Variants in DNAI4 observed in about 807,000 individuals in gnomAD.
DNAI4 encodes the protein dynein axonemal intermediate chain 4.
DNAI4 carries 85 observed loss-of-function variants against 105.8 expected under a neutral mutation model. The ratio of observed to expected loss-of-function variants is 0.80; its 90% CI spans 0.67 to 0.96. The LOEUF (loss-of-function observed/expected upper bound fraction) is 0.96. DNAI4 is among the 40% of genes least tolerant of loss of function. The pLI is 0.00. For synonymous variants in DNAI4, 352 were observed against 331.5 expected (o/e 1.06, Z -0.67); for missense variants, 1,014 against 1,005.6 (o/e 1.01, Z -0.11).
At chr1:66,825,240 C>T (rs1047450264) in intron 15 of DNAI4, among the ~76,000 whole-genome samples, 14 of 139,698 alleles carry the variant, frequency 1.0e-4, no homozygotes, top group African/African-American at 2.9e-4. Context: ...ACTGCAGTGG[C>T]GCAATCTCGG....
At chr1:66,922,186 T>A (rs1209712834) in intron 1 of DNAI4, among the ~76,000 whole-genome samples, 13 of 152,054 alleles carry the variant, frequency 8.5e-5, no homozygotes, top group Non-Finnish European at 5.9e-5. Context: ...TTCAGCCTCA[T>A]AAAGTGGTGG....
In DNAI4 at chr1:66,905,194, A is replaced by C. The variant is rs1309654769; in HGVS notation, c.345+7T>G. 6.8e-7 allele frequency: 1 copy of C among 1,478,516 alleles called. No individual in the cohort carries two copies. Among genetic ancestry groups the C allele is most frequent in the Non-Finnish European group, 9.1e-7 (1 of 1,098,644 alleles). The allele number at this position is 1,478,516 out of a possible 1,614,324, so 91.6% of individuals were successfully genotyped here. A position where few individuals can be genotyped will look rare whatever the true frequency, so the allele number is the denominator to read the frequency against. On this transcript the variant is annotated splice_region_variant and intron_variant, in intron 2 of 16. Coordinates refer to ENST00000371026, the MANE Select transcript of DNAI4 (RefSeq NM_024763.5). ...TTCAAATAAACTCAGAATTCTAAGA[A>C]TATTACCTGTGTTGTCTTTATATTG... is the stretch of plus-strand genomic sequence containing the variant.
At chr1:66,893,071 AAG>A (rs1553227643) in intron 3 of DNAI4, among the ~76,000 whole-genome samples, 156 bp downstream of exon 3, 87 of 122,460 alleles carry the variant, frequency 7.1e-4, no homozygotes, top group African/African-American at 2.5e-3. Context: ...GAGAGAAAGA[AAG>A]AAAGAAAGAA....
chr1:66,923,272 T>A (rs1020978776), intron 1 of DNAI4, among the ~76,000 whole-genome samples: 1 of 152,220 alleles, frequency 6.6e-6, no homozygotes, highest in Admixed American at 6.5e-5. Flanking sequence ...TAGCCTACTA[T>A]AGCTTAGGTG....
At chr1:66,914,777 T>A (rs949888444) in intron 1 of DNAI4, among the ~76,000 whole-genome samples, 1 of 152,190 alleles carries the variant, frequency 6.6e-6, no homozygotes, top group Non-Finnish European at 1.5e-5. Context: ...AATATGTCTA[T>A]GTATCTATGT....
intron 6 of DNAI4, among the ~76,000 whole-genome samples, chr1:66,868,187 A>G (rs1026959100): frequency 1.3e-5 from 2 of 152,228 alleles, no homozygotes; most frequent in Admixed American, 1.3e-4. Flanking sequence ...TCAAATTTAT[A>G]CTACTATATT....
At chr1:66,836,190 AAGAAAGAAAGAAAGAAAG>A (rs1404533186) in intron 10 of DNAI4, among the ~76,000 whole-genome samples, 755 of 68,614 alleles carry the variant, frequency 0.011, 23 homozygotes, top group African/African-American at 0.03. Flanking sequence ...GAAAGAAAGA[AAGAAAGAAAGAAAGAAAG>A]AGAGAGAGAG....
intron 4 of DNAI4, among the ~76,000 whole-genome samples, chr1:66,880,680 G>A (rs140008480): frequency 6.6e-6 from 1 of 152,262 alleles, no homozygotes; most frequent in South Asian, 2.1e-4. Flanking sequence ...ATAAAAGATT[G>A]GAAAATTTAC....
chr1:66,825,330 C>T (rs1245098502), intron 15 of DNAI4, among the ~76,000 whole-genome samples: 2 of 151,366 alleles, frequency 1.3e-5, no homozygotes, highest in African/African-American at 2.4e-5. Flanking sequence ...CAGGCGCCCG[C>T]CACCGCGCCC....
chr1:66,919,347 T>C (rs1650294879), intron 1 of DNAI4, among the ~76,000 whole-genome samples: 1 of 152,072 alleles, frequency 6.6e-6, no homozygotes, highest in African/African-American at 2.4e-5. Context: ...TAAAATAATC[T>C]CACATTAACT....
intron 1 of DNAI4, chr1:66,919,097 G>C (rs1195063239): frequency 2.3e-6 from 1 of 443,640 alleles, no homozygotes; most frequent in Non-Finnish European, 4.6e-6. Flanking sequence ...TACATATATT[G>C]ATTGATGTCT....
rs189348568 is a variant in DNAI4, at chr1:66,813,203, G to A, written c.*927C>T. The stretch of plus-strand genomic sequence containing the variant: ...TTTAGTGAATTTCATATGCCCTATC[G>A]TCTCCTCTCCACTTAGAATGCTTTA... On this transcript the variant is annotated 3_prime_UTR_variant, in exon 17 of 17. Coordinates refer to ENST00000371026, the MANE Select transcript of DNAI4 (RefSeq NM_024763.5). The A allele has an allele frequency of 4.6e-5, 7 of 151,968 alleles. No individual in the cohort carries two copies. Among genetic ancestry groups the A allele is most frequent in the African/African-American group, 1.2e-4 (5 of 41,422 alleles). The allele number at this position is 151,968 out of a possible 1,614,324, so 9.4% of individuals were successfully genotyped here.
At chr1:66,901,147 T>G (rs1648786485) in intron 2 of DNAI4, among the ~76,000 whole-genome samples, 1 of 152,232 alleles carries the variant, frequency 6.6e-6, no homozygotes, top group African/African-American at 2.4e-5. Context: ...AGAACCAGCT[T>G]TTGTTTTCAT....
intron 8 of DNAI4, among the ~76,000 whole-genome samples, chr1:66,842,468 G>A (rs1646170636): frequency 6.6e-6 from 1 of 152,118 alleles, no homozygotes; most frequent in African/African-American, 2.4e-5. Context: ...TCGACTCACT[G>A]CAACCTCTGC....
At chr1:66,832,211 A>G (rs761270324) in intron 13 of DNAI4, among the ~76,000 whole-genome samples, 1 of 152,236 alleles carries the variant, frequency 6.6e-6, no homozygotes. Flanking sequence ...AAGTTAGAAG[A>G]TGGCTGTAGT....
intron 6 of DNAI4, among the ~76,000 whole-genome samples, chr1:66,866,184 G>A (rs1331669202): frequency 6.6e-6 from 1 of 151,996 alleles, no homozygotes; most frequent in East Asian, 1.9e-4. Flanking sequence ...GCAGGCACTT[G>A]TAGTCCCAGC....
chr1:66,921,880 A>G (rs943304411), intron 1 of DNAI4, among the ~76,000 whole-genome samples: 1 of 147,372 alleles, frequency 6.8e-6, no homozygotes, highest in African/African-American at 2.5e-5. Flanking sequence ...GCAGGTACAC[A>G]ATAAACTTGT....
At chr1:66,923,687 G>A (rs1650773347) in intron 1 of DNAI4, among the ~76,000 whole-genome samples, 1 of 152,202 alleles carries the variant, frequency 6.6e-6, no homozygotes, top group Admixed American at 6.5e-5. Context: ...AAAAGCGTGA[G>A]TACCATATTC....
intron 9 of DNAI4, among the ~76,000 whole-genome samples, chr1:66,838,604 A>C (rs1336282284): frequency 6.6e-6 from 1 of 152,264 alleles, no homozygotes; most frequent in Admixed American, 6.5e-5. Context: ...AACTGAACAA[A>C]TCCAGCCTCT....
Sources: gnomAD v4.1 joint callset for allele counts (sites outside exome capture counted in the v4.1 genomes callset) on GRCh38, gnomAD v4.1.1 for gene constraint, MANE v1.5 for transcripts, NCBI Gene and HGNC (gene_info 2026-07-23, HGNC 2026-07-21) for gene names.